The following PLEKHA5 variants were observed in gnomAD, a reference collection of about 807,000 sequenced individuals.
The protein encoded by PLEKHA5 is pleckstrin homology domain containing A5.
In PLEKHA5, 55 loss-of-function variants were observed where a neutral mutation model predicts 181.9. The ratio of observed to expected loss-of-function variants is 0.30; its 90% CI spans 0.24 to 0.38. The LOEUF is 0.38. Ranked by LOEUF, PLEKHA5 falls within the 10% of genes least tolerant of loss-of-function variation. PLEKHA5 has a pLI of 1.00. For synonymous variants in PLEKHA5, 535 were observed against 529.4 expected, an observed-to-expected ratio of 1.01 and a Z score of -0.15; for missense variants, 1,432 against 1,549.5, an observed-to-expected ratio of 0.92 and a Z score of 1.27.
intron 3 of PLEKHA5, among the ~76,000 whole-genome samples, chr12:19,227,712 C>T (rs1289587801): frequency 6.6e-6 from 1 of 152,108 alleles, no homozygotes; most frequent in Non-Finnish European, 1.5e-5. Flanking sequence ...AGTACTTTTG[C>T]AGGGTGCATT....
chr12:19,361,644 T>A lies in PLEKHA5; in HGVS notation c.3546T>A (p.Asn1182Lys), dbSNP rs756661845. The A allele has an allele frequency of 6.9e-6, 11 of 1,583,862 alleles. No homozygotes were observed. The Admixed American group carries it at 1.7e-4, about 24-fold the overall frequency. ...TTGAACCTGAGCCAAATGGAGTAAA[T>A]TCTGTGGAAATGATGGATAAAGAAA... ...MLFEPEPNGV[N>K]SVEMMDKERN... Residue 1182 changes from asparagine (N) to lysine (K), a missense_variant, in exon 29 of 32, where the codon AAT becomes AAA. Around this residue, in one of 2 missense-constraint regions of PLEKHA5, gnomAD observed 1,143 missense variants for 1,168.4 expected, o/e 0.98. Coordinates refer to ENST00000429027, the MANE Select transcript of PLEKHA5 (RefSeq NM_001256470.2).
At chr12:19,167,431 T>TG (rs2044702268) in intron 3 of PLEKHA5, among the ~76,000 whole-genome samples, 2 of 79,912 alleles carry the variant, frequency 2.5e-5, no homozygotes, top group Non-Finnish European at 6.0e-5. Context: ...TTTTTTTTTT[T>TG]TTTGCTTTGG....
chr12:19,184,049 A>G (rs1196117897), intron 3 of PLEKHA5, among the ~76,000 whole-genome samples: 1 of 152,036 alleles, frequency 6.6e-6, no homozygotes, highest in Middle Eastern at 3.2e-3. Context: ...CTCTACAGAA[A>G]CCACGTCTGG....
chr12:19,336,570 C>A lies in PLEKHA5; in HGVS notation c.2504C>A (p.Thr835Asn), dbSNP rs760577829. ...AAGTTAGAATACGATGTAACTGTTA[C>A]CAGGAACCAGATGCAAGAGCAGCTG... The part of the protein sequence containing the change: ...YDKLEYDVTV[T>N]RNQMQEQLDH... The change falls in exon 21 of 32, where the codon ACC becomes AAC. Residue 835 changes from threonine (T) to asparagine (N), a missense_variant. Physicochemically the swap from Thr to Asn is moderately conservative, Grantham distance 65. Around this residue, in one of 2 missense-constraint regions of PLEKHA5, gnomAD observed 1,143 missense variants for 1,168.4 expected, o/e 0.98. Coordinates refer to ENST00000429027, the MANE Select transcript of PLEKHA5 (RefSeq NM_001256470.2). The A allele has an allele frequency of 1.1e-5, 17 of 1,609,700 alleles. No individual in the cohort carries two copies. In the Admixed American group the frequency reaches 2.7e-4, roughly 25 times the overall value.
rs755212531 is a variant in PLEKHA5 at position 19,129,789 on chromosome 12, A to G, written c.-11A>G. 1 of 1,586,584 alleles carries G rather than the reference A, an allele frequency of 6.3e-7. No individual in the cohort carries two copies. On this transcript the variant is annotated 5_prime_UTR_variant, in exon 1 of 32. Transcript: ENST00000429027. Reference sequence around the variant, plus strand: ...GCAGGAGAAGGCGGCGGCGGCGGCTAGGGATCAGACATGGCGGCGGATCTG... The same window carrying G: ...GCAGGAGAAGGCGGCGGCGGCGGCTGGGGATCAGACATGGCGGCGGATCTG...
At position 19,131,766 on chromosome 12, in the gene PLEKHA5, A is replaced by G. The variant is rs1016999556; in HGVS notation, c.170-627A>G. Reference sequence around the variant, plus strand: ...TACTTCCAAGAGGCATTTTGATGAAATCCAAACAACTTGTCATTAATAATA... The same window carrying G: ...TACTTCCAAGAGGCATTTTGATGAAGTCCAAACAACTTGTCATTAATAATA... On this transcript the variant is annotated intron_variant, in intron 2 of 31. Transcript: ENST00000429027. 5.3e-5 allele frequency among the ~76,000 whole-genome samples: 8 copies of G among 152,094 alleles called. 1 individual carries two copies. The highest frequency in any genetic ancestry group is 1.5e-5 in the Non-Finnish European group (1 of 68,030).
intron 6 of PLEKHA5, among the ~76,000 whole-genome samples, chr12:19,258,091 G>A (rs546983114): frequency 6.6e-6 from 1 of 151,704 alleles, no homozygotes; most frequent in African/African-American, 2.4e-5. Context: ...GCTCATACAG[G>A]GTTTACTCTC....
chr12:19,195,218 A>G (rs2052357898), intron 3 of PLEKHA5, among the ~76,000 whole-genome samples: 1 of 152,064 alleles, frequency 6.6e-6, no homozygotes, highest in African/African-American at 2.4e-5. Flanking sequence ...CTGCTAGCAC[A>G]TGTGCCTGTC....
chr12:19,306,404 T>G, intron 15 of PLEKHA5: 7 of 528,986 alleles, frequency 1.3e-5, no homozygotes, highest in East Asian at 5.2e-5. Context: ...TGCAGTGGGG[T>G]AGAGAAAAGG....
chr12:19,314,454 A>G (rs549944861), intron 15 of PLEKHA5, among the ~76,000 whole-genome samples: 4 of 152,068 alleles, frequency 2.6e-5, no homozygotes, highest in Admixed American at 6.6e-5. Context: ...AAATTGTACC[A>G]TTTTTCTCCT....
chr12:19,285,361 C>A (rs1438934318), intron 12 of PLEKHA5, among the ~76,000 whole-genome samples: 2 of 152,140 alleles, frequency 1.3e-5, no homozygotes, highest in Non-Finnish European at 2.9e-5. Context: ...TGAGATGAAT[C>A]TATATTCTCT....
At chr12:19,300,503 TA>T (rs2081180628) in intron 15 of PLEKHA5, among the ~76,000 whole-genome samples, 1 of 152,252 alleles carries the variant, frequency 6.6e-6, no homozygotes, top group South Asian at 2.1e-4. Flanking sequence ...AATTTTACAG[TA>T]GGTTTTGCCT....
intron 3 of PLEKHA5, among the ~76,000 whole-genome samples, chr12:19,181,669 G>A (rs1265020905): frequency 6.6e-6 from 1 of 152,040 alleles, no homozygotes; most frequent in Admixed American, 6.6e-5. Context: ...CCAGCTGCTC[G>A]GGAGGCTGAG....
chr12:19,328,451 A>G (rs2092476595), intron 20 of PLEKHA5, among the ~76,000 whole-genome samples: 1 of 152,148 alleles, frequency 6.6e-6, no homozygotes, highest in South Asian at 2.1e-4. Context: ...ATCCATGAAC[A>G]TGGAATGTTT....
At chr12:19,374,408 C>A (rs575045638) in intron 31 of PLEKHA5, among the ~76,000 whole-genome samples, 5 of 152,222 alleles carry the variant, frequency 3.3e-5, no homozygotes, top group Non-Finnish European at 7.4e-5. Context: ...GGCTGTAATC[C>A]CAACACTTTG....
At chr12:19,157,088 A>T (rs1347031578) in intron 3 of PLEKHA5, among the ~76,000 whole-genome samples, 2 of 72,790 alleles carry the variant, frequency 2.7e-5, no homozygotes, top group African/African-American at 1.0e-4. Context: ...TTTTATATCT[A>T]TATGTACATA....
Position 19,366,331 on chromosome 12 carries a change from C to G in PLEKHA5, c.3754+222C>G, listed in dbSNP as rs114533717. On this transcript the variant is annotated intron_variant, in intron 30 of 31. Coordinates refer to ENST00000429027, the MANE Select transcript of PLEKHA5 (RefSeq NM_001256470.2). ...TGGCTTTGGTTTTGCTTTTTCCTTT[C>G]AATTTTAACACATAGAGTAAACTTT... Among the ~76,000 whole-genome samples the G allele has an allele frequency of 6.4e-3, 972 of 152,142 alleles. 11 individuals are homozygous for G. The highest frequency in any genetic ancestry group is 0.022 in the African/African-American group (928 of 41,504).
rs887664855 is a variant in PLEKHA5 at position 19,307,659 on chromosome 12, C to T, written c.2038-7155C>T. 2.7e-5 allele frequency: 9 copies of T among 327,518 alleles called. 1 individual carries two copies. Among genetic ancestry groups the T allele is most frequent in the African/African-American group, 1.3e-4 (6 of 44,684 alleles). The allele number at this position is 327,518 out of a possible 1,614,324, so 20.3% of individuals were successfully genotyped here. ...GTGATTACATTGTCAGTCTAGGAGT[C>T]GTTGATGATTCAAAAGCCCAAGACA... On this transcript the variant is annotated intron_variant, in intron 15 of 31. Coordinates refer to ENST00000429027, the MANE Select transcript of PLEKHA5 (RefSeq NM_001256470.2).
chr12:19,301,705 G>A (rs182342818), intron 15 of PLEKHA5, among the ~76,000 whole-genome samples: 56 of 152,206 alleles, frequency 3.7e-4, no homozygotes, highest in African/African-American at 1.1e-3. Context: ...CAATAGTAAT[G>A]TTTGCAGGTT....
Sources: gnomAD v4.1 joint callset for allele counts (sites outside exome capture counted in the v4.1 genomes callset) on GRCh38, gnomAD v4.1.1 for gene constraint, gnomAD v4.1.1 regional missense constraint, MANE v1.5 for transcripts, NCBI Gene and HGNC (gene_info 2026-07-23, HGNC 2026-07-21) for gene names.